The following ATP9B variants were observed in gnomAD, a reference collection of about 807,000 sequenced individuals.
ATP9B encodes the protein probable phospholipid-transporting ATPase IIB.
Under a neutral mutation model 146.1 loss-of-function variants are expected in ATP9B, and 110 were observed. The observed-to-expected ratio is 0.75, with a 90% CI of 0.65 to 0.88. The LOEUF is 0.88. ATP9B is among the 40% of genes least tolerant of loss of function. The probability of loss-of-function intolerance (pLI) is 0.00; values close to 1 mark genes in which losing one functional copy is unlikely to be tolerated. For synonymous variants in ATP9B, 604 were observed against 569.7 expected (o/e 1.06, Z -0.86); for missense variants, 1,499 against 1,496.4 (o/e 1.00, Z -0.03).
chr18:79,100,305 T>C (rs2075169236), intron 2 of ATP9B, among the ~76,000 whole-genome samples: 1 of 152,220 alleles, frequency 6.6e-6, no homozygotes, highest in African/African-American at 2.4e-5. Flanking sequence ...CTAGTTCAAA[T>C]CTGTGTTGCT....
intron 13 of ATP9B, among the ~76,000 whole-genome samples, chr18:79,299,429 AG>A (rs888886148): frequency 2.4e-4 from 36 of 152,322 alleles, no homozygotes; most frequent in Middle Eastern, 3.4e-3. Context: ...GGAAACCACT[AG>A]TAAATTCATA....
chr18:79,332,672 C>T (rs558263096), intron 17 of ATP9B, among the ~76,000 whole-genome samples: 1 of 152,240 alleles, frequency 6.6e-6, no homozygotes, highest in African/African-American at 2.4e-5. Context: ...AAATAATCTG[C>T]GTAAAAGTGG....
chr18:79,299,017 T>C (rs911390474), intron 13 of ATP9B, among the ~76,000 whole-genome samples: 10 of 152,226 alleles, frequency 6.6e-5, no homozygotes, highest in Non-Finnish European at 1.2e-4. Flanking sequence ...TGATGCTCTT[T>C]TCTAGACTTC....
At chr18:79,181,733 A>G (rs2095254454) in intron 8 of ATP9B, among the ~76,000 whole-genome samples, 1 of 152,020 alleles carries the variant, frequency 6.6e-6, no homozygotes, top group South Asian at 2.1e-4. Context: ...GAGTGTTGTA[A>G]TCTCTGGATG....
intron 9 of ATP9B, among the ~76,000 whole-genome samples, chr18:79,198,467 C>T (rs1014451778): frequency 3.3e-5 from 5 of 152,132 alleles, no homozygotes; most frequent in African/African-American, 1.2e-4. Flanking sequence ...CTGCAAAATA[C>T]GGTCATGAGT....
intron 10 of ATP9B, among the ~76,000 whole-genome samples, chr18:79,207,801 C>T (rs560259471): frequency 2.0e-5 from 3 of 152,116 alleles, no homozygotes; most frequent in East Asian, 3.9e-4. Flanking sequence ...CCACCAGGCA[C>T]GGTGATTCAG....
At chr18:79,312,133 C>T (rs549541157) in intron 15 of ATP9B, among the ~76,000 whole-genome samples, 16 of 152,280 alleles carry the variant, frequency 1.1e-4, no homozygotes, top group African/African-American at 2.9e-4. Context: ...AAGGTGCCTT[C>T]GCGGAGGTGC....
intron 11 of ATP9B, among the ~76,000 whole-genome samples, chr18:79,231,803 T>TATATATACACACAC (rs569726473): frequency 3.7e-4 from 43 of 114,760 alleles, no homozygotes; most frequent in African/African-American, 1.3e-3. Flanking sequence ...TATATATATA[T>TATATATACACACAC]ACACACACAC....
At chr18:79,119,447 C>A (rs2094151253) in intron 4 of ATP9B, among the ~76,000 whole-genome samples, 1 of 152,112 alleles carries the variant, frequency 6.6e-6, no homozygotes, top group South Asian at 2.1e-4. Context: ...AATTTTCATC[C>A]TCTGTTATTT....
At chr18:79,160,535 G>C (rs572660254) in intron 7 of ATP9B, among the ~76,000 whole-genome samples, 1 of 152,266 alleles carries the variant, frequency 6.6e-6, no homozygotes, top group South Asian at 2.1e-4. Flanking sequence ...GAAATATGTG[G>C]AAGATACTAT....
chr18:79,368,470 C>G (rs371726010), intron 26 of ATP9B, among the ~76,000 whole-genome samples: 7 of 152,348 alleles, frequency 4.6e-5, no homozygotes, highest in African/African-American at 1.7e-4. Flanking sequence ...CATGTCTGCG[C>G]CTGGCCCTGG....
intron 25 of ATP9B, among the ~76,000 whole-genome samples, chr18:79,351,602 G>A (rs1406814695): frequency 1.3e-5 from 2 of 152,150 alleles, no homozygotes; most frequent in African/African-American, 4.8e-5. Flanking sequence ...TGATAAACTG[G>A]CTCTAGAACC....
rs762939733 is a variant in ATP9B, at chr18:79,373,932, C to T, written c.3105C>T (p.Phe1035=). ...GILMYGALVL[F]ESEFVHVVAI... is the part of the protein sequence containing the mutation. ...TCATGTATGGGGCCCTGGTGCTCTT[C>T]GAGTCTGAGTTCGTCCACGTGGTGG... Residue 1035 remains phenylalanine (F), a synonymous_variant, in exon 28 of 30, where the codon TTC becomes TTT. Coordinates refer to ENST00000426216, the MANE Select transcript of ATP9B (RefSeq NM_198531.5). The T allele has an allele frequency of 2.0e-5, 33 of 1,613,298 alleles. No homozygotes were observed. Among genetic ancestry groups the T allele is most frequent in the Non-Finnish European group, 2.5e-5 (30 of 1,180,030 alleles).
intron 13 of ATP9B, among the ~76,000 whole-genome samples, chr18:79,282,053 C>T (rs9962005): frequency 0.9 from 136,385 of 152,224 alleles, 61,232 homozygotes; most frequent in East Asian, 1. Flanking sequence ...AGGGAAGAGC[C>T]GCAGGTGTGG....
At chr18:79,332,895 T>C (rs952946027) in intron 17 of ATP9B, 1 of 152,178 alleles carries the variant, frequency 6.6e-6, no homozygotes, top group Admixed American at 6.6e-5. Context: ...TAAAGAAGGG[T>C]GCTAGACCCA....
At chr18:79,192,916 A>G (rs2095381801) in intron 8 of ATP9B, among the ~76,000 whole-genome samples, 1 of 152,134 alleles carries the variant, frequency 6.6e-6, no homozygotes, top group Non-Finnish European at 1.5e-5. Flanking sequence ...AGCCCCCTGG[A>G]CAGGCCCCGG....
At chr18:79,305,355 C>CA (rs2096614866) in intron 14 of ATP9B, among the ~76,000 whole-genome samples, 1 of 152,118 alleles carries the variant, frequency 6.6e-6, no homozygotes, top group African/African-American at 2.4e-5. Context: ...GGCATGCTGT[C>CA]AAATGGAAGA....
At position 79,100,524 on chromosome 18, in the gene ATP9B, A is replaced by G. The variant is rs114232034; in HGVS notation, c.293+3875A>G. Among the ~76,000 whole-genome samples, 832 of 152,340 alleles carry G rather than the reference A, an allele frequency of 5.5e-3. 4 individuals carry two copies. Among genetic ancestry groups the G allele is most frequent in the South Asian group, 0.025 (119 of 4,828 alleles). ...CTTTGTGAAGACTTGTCTAATTTCA[A>G]TAAAACTATACCAGCTTTTTTGATT... On this transcript the variant is annotated intron_variant, in intron 2 of 29. Coordinates refer to ENST00000426216, the MANE Select transcript of ATP9B (RefSeq NM_198531.5).
intron 26 of ATP9B, among the ~76,000 whole-genome samples, chr18:79,371,387 A>C (rs1361954597): frequency 2.6e-5 from 4 of 151,160 alleles, no homozygotes; most frequent in Non-Finnish European, 5.9e-5. Context: ...AAAAAAAAAA[A>C]AAAAAAAAAA....
Sources: gnomAD v4.1 joint callset for allele counts (sites outside exome capture counted in the v4.1 genomes callset) on GRCh38, gnomAD v4.1.1 for gene constraint, MANE v1.5 for transcripts, NCBI Gene and HGNC (gene_info 2026-07-23, HGNC 2026-07-21) for gene names.